The following CDKAL1 variants were observed in gnomAD, a reference collection of about 807,000 sequenced individuals.
The protein encoded by CDKAL1 is threonylcarbamoyladenosine tRNA methylthiotransferase.
Under a neutral mutation model 68.2 loss-of-function variants are expected in CDKAL1, and 32 were observed. The ratio of observed to expected loss-of-function variants is 0.47; its 90% CI spans 0.35 to 0.63. The LOEUF (loss-of-function observed/expected upper bound fraction) is 0.63, where lower values mean the gene tolerates loss of function less well. Among genes scored for constraint, CDKAL1 ranks in the 30% least tolerant of loss-of-function variants. CDKAL1 has a pLI of 0.00. For missense variants in CDKAL1, 606 were observed against 696.7 expected (o/e 0.87, Z 1.47); for synonymous variants, 234 against 244.3 (o/e 0.96, Z 0.39).
chr6:20,609,646 T>C (rs1766528223), intron 4 of CDKAL1, among the ~76,000 whole-genome samples: 1 of 152,038 alleles, frequency 6.6e-6, no homozygotes, highest in African/African-American at 2.4e-5. Flanking sequence ...TCTGCCCACC[T>C]TGGCCTCCCA....
At chr6:20,611,395 T>C (rs1766611225) in intron 4 of CDKAL1, among the ~76,000 whole-genome samples, 1 of 152,148 alleles carries the variant, frequency 6.6e-6, no homozygotes, top group Non-Finnish European at 1.5e-5. Context: ...CCTCACAAAG[T>C]GCTGGGATTA....
chr6:20,694,022 A>G (rs1226901470), intron 5 of CDKAL1, among the ~76,000 whole-genome samples: 1 of 149,458 alleles, frequency 6.7e-6, no homozygotes, highest in Admixed American at 6.6e-5. Flanking sequence ...ACTGGCACAC[A>G]CTAACACACC....
At chr6:21,205,792 A>C (rs550565035) in intron 15 of CDKAL1, among the ~76,000 whole-genome samples, 594 of 143,500 alleles carry the variant, frequency 4.1e-3, no homozygotes, top group Non-Finnish European at 7.2e-3. Flanking sequence ...TGGCCTCCCA[A>C]AGTGCTGGGA....
intron 13 of CDKAL1, among the ~76,000 whole-genome samples, chr6:21,178,051 T>C (rs9465982): frequency 0.51 from 77,616 of 151,850 alleles, 20,485 homozygotes; most frequent in African/African-American, 0.61. Context: ...GATACTTTCT[T>C]TAGTCTATCA....
At chr6:21,171,538 C>T (rs1211477915) in intron 13 of CDKAL1, among the ~76,000 whole-genome samples, 1 of 152,180 alleles carries the variant, frequency 6.6e-6, no homozygotes, top group East Asian at 1.9e-4. Flanking sequence ...ATACTGTGAG[C>T]ACTGTTTTGT....
chr6:20,932,321 A>C (rs1763499392), intron 9 of CDKAL1, among the ~76,000 whole-genome samples: 1 of 152,144 alleles, frequency 6.6e-6, no homozygotes, highest in East Asian at 1.9e-4. Context: ...GAGTGTCAGG[A>C]TCACTGGGGC....
chr6:21,057,815 T>C (rs1770918951), intron 11 of CDKAL1, among the ~76,000 whole-genome samples: 1 of 152,212 alleles, frequency 6.6e-6, no homozygotes, highest in Admixed American at 6.5e-5. Context: ...CATGTAGTTG[T>C]GTGGCTTTAA....
intron 4 of CDKAL1, among the ~76,000 whole-genome samples, chr6:20,624,049 T>C (rs1767313577): frequency 1.3e-5 from 2 of 152,142 alleles, no homozygotes; most frequent in African/African-American, 4.8e-5. Context: ...TTTGAAGGAC[T>C]GATAACCTTT....
chr6:20,792,234 A>G (rs1012647196), intron 8 of CDKAL1, among the ~76,000 whole-genome samples: 1 of 152,198 alleles, frequency 6.6e-6, no homozygotes, highest in Non-Finnish European at 1.5e-5. Flanking sequence ...TAGTGCATGT[A>G]GTTAAGACCT....
chr6:20,589,518 A>G (rs1168830299), intron 4 of CDKAL1, among the ~76,000 whole-genome samples: 1 of 152,148 alleles, frequency 6.6e-6, no homozygotes. Context: ...ATTGTTTCTC[A>G]AGTTTCCTTT....
chr6:20,595,622 T>A (rs10223876), intron 4 of CDKAL1, among the ~76,000 whole-genome samples: 1 of 152,058 alleles, frequency 6.6e-6, no homozygotes, highest in East Asian at 1.9e-4. Context: ...TAGAACATGC[T>A]CCTTTAGCTC....
At chr6:20,949,783 A>C (rs1764432730) in intron 9 of CDKAL1, among the ~76,000 whole-genome samples, 1 of 149,632 alleles carries the variant, frequency 6.7e-6, no homozygotes, top group Admixed American at 6.7e-5. Context: ...AGTGGTCGCG[A>C]AAGTTTTCTG....
At chr6:21,176,432 C>T (rs1777574117) in intron 13 of CDKAL1, among the ~76,000 whole-genome samples, 1 of 152,228 alleles carries the variant, frequency 6.6e-6, no homozygotes, top group Non-Finnish European at 1.5e-5. Context: ...ACAGGCAAGA[C>T]AAGTGAGTCT....
chr6:21,115,667 G>A (rs528359414), intron 13 of CDKAL1, among the ~76,000 whole-genome samples: 1 of 152,324 alleles, frequency 6.6e-6, no homozygotes, highest in Admixed American at 6.5e-5. Context: ...ATGTCTAGTT[G>A]ATGAGATTCC....
chr6:20,637,254 A>C (rs1767950657), intron 4 of CDKAL1, among the ~76,000 whole-genome samples: 1 of 151,882 alleles, frequency 6.6e-6, no homozygotes, highest in Non-Finnish European at 1.5e-5. Flanking sequence ...ATGTTTGATA[A>C]TGAAGGGGGA....
At chr6:21,108,332 T>G in intron 12 of CDKAL1, 69 bp from the exon 13 acceptor site, 1 of 1,022,000 alleles carries the variant, frequency 9.8e-7, no homozygotes, top group Non-Finnish European at 1.5e-6. Flanking sequence ...CACACATGTA[T>G]ATTTTTTATC....
chr6:20,637,211 G>GT (rs1274135251), intron 4 of CDKAL1, among the ~76,000 whole-genome samples: 4 of 152,244 alleles, frequency 2.6e-5, no homozygotes, highest in African/African-American at 9.6e-5. Flanking sequence ...AGGTGACAGA[G>GT]TATAGCTCGT....
rs139861159 is a variant in CDKAL1, at chr6:21,101,787, C to CTG, written c.1237-6613_1237-6612insGT. On this transcript the variant is annotated intron_variant, in intron 12 of 15. Transcript: ENST00000274695. ...GTACTTCTGTCAGTGAAGGGTACTT[C>CTG]TCCTGTTTGGTTATCTGTGCCAGCA... 3.4e-3 allele frequency among the ~76,000 whole-genome samples: 524 copies of CTG among 152,238 alleles called. 1 individual carries two copies. Among genetic ancestry groups the CTG allele is most frequent in the South Asian group, 6.8e-3 (33 of 4,818 alleles).
At chr6:20,592,535 T>A (rs1765637042) in intron 4 of CDKAL1, among the ~76,000 whole-genome samples, 1 of 151,632 alleles carries the variant, frequency 6.6e-6, no homozygotes, top group South Asian at 2.1e-4. Flanking sequence ...ATGGTGCAAT[T>A]TCGGCCCACT....
Sources: gnomAD v4.1 joint callset for allele counts (sites outside exome capture counted in the v4.1 genomes callset) on GRCh38, gnomAD v4.1.1 for gene constraint, MANE v1.5 for transcripts, NCBI Gene and HGNC (gene_info 2026-07-23, HGNC 2026-07-21) for gene names.